Variants in TNIP1 observed in about 807,000 individuals in gnomAD.
The protein encoded by TNIP1 is TNFAIP3-interacting protein 1.
TNIP1 carries 22 observed loss-of-function variants against 86.6 expected under a neutral mutation model. The ratio of observed to expected loss-of-function variants is 0.25; its 90% CI spans 0.18 to 0.36. The LOEUF (loss-of-function observed/expected upper bound fraction) is 0.36. Ranked by LOEUF, TNIP1 falls within the 10% of genes least tolerant of loss-of-function variation. The pLI, the probability that TNIP1 is intolerant of heterozygous loss-of-function variation, is 1.00. For synonymous variants in TNIP1, 294 were observed against 313.0 expected (o/e 0.94, Z 0.64); for missense variants, 709 against 820.6 (o/e 0.86, Z 1.66).
intron 6 of TNIP1, among the ~76,000 whole-genome samples, chr5:151,055,940 G>A (rs137860788): frequency 6.6e-6 from 1 of 152,290 alleles, no homozygotes; most frequent in African/African-American, 2.4e-5. Context: ...AAGCCCACAA[G>A]GCTAAGACCC....
intron 9 of TNIP1, among the ~76,000 whole-genome samples, chr5:151,044,569 A>G (rs548075932): frequency 6.6e-6 from 1 of 152,290 alleles, no homozygotes; most frequent in South Asian, 2.1e-4. Flanking sequence ...CGCTTATAAC[A>G]ATACAAAAAG....
At chr5:151,032,431 A>G in intron 16 of TNIP1, 48 bp from the exon 17 acceptor site, 1 of 1,556,640 alleles carries the variant, frequency 6.4e-7, no homozygotes, top group Non-Finnish European at 8.8e-7. Flanking sequence ...CCCAAAAATT[A>G]CAATAGCACC....
At chr5:151,073,705 GC>G (rs1039790480) in intron 1 of TNIP1, among the ~76,000 whole-genome samples, 8 of 151,878 alleles carry the variant, frequency 5.3e-5, no homozygotes, top group African/African-American at 1.9e-4. Flanking sequence ...ACCAGCCTGG[GC>G]AAAAAGCAAG....
intron 17 of TNIP1, 125 bp downstream of exon 17, chr5:151,032,162 G>T: frequency 1.3e-6 from 1 of 760,854 alleles, no homozygotes; most frequent in Non-Finnish European, 2.1e-6. Context: ...ACACTGTTTT[G>T]GAAAGCTGGG....
At chr5:151,069,054 A>T (rs1762555075) in intron 1 of TNIP1, among the ~76,000 whole-genome samples, 1 of 152,236 alleles carries the variant, frequency 6.6e-6, no homozygotes. Flanking sequence ...AAAGGGGCCC[A>T]GACAGACGGC....
chr5:151,034,535 GCA>G, intron 15 of TNIP1: 1 of 288,776 alleles, frequency 3.5e-6, no homozygotes, highest in Non-Finnish European at 6.5e-6. Flanking sequence ...AGAAGGCTGG[GCA>G]CATGGGCACG....
chr5:151,059,211 C>A (rs889808082), intron 5 of TNIP1, among the ~76,000 whole-genome samples: 3 of 152,222 alleles, frequency 2.0e-5, no homozygotes, highest in Non-Finnish European at 4.4e-5. Context: ...TTAAAGTTAT[C>A]GGTCCAAAGT....
In TNIP1 at chr5:151,060,367, G is replaced by C. The variant is rs2113672215; in HGVS notation, c.386C>G (p.Thr129Ser). 1 of 1,614,180 alleles carries C rather than the reference G, an allele frequency of 6.2e-7. No individual in the cohort carries two copies. The highest frequency in any genetic ancestry group is 1.1e-5 in the South Asian group (1 of 91,084). The change falls in exon 5 of 18, where the codon ACT becomes AGT. Residue 129 changes from threonine to serine, a missense_variant. By Grantham distance (58) the Thr-to-Ser change is moderately conservative. Transcript: ENST00000521591. ...SGTSSEFEVV[T>S]PEEQNSPESS... The stretch of plus-strand genomic sequence containing the variant: ...CTCTGGTGAATTCTGCTCCTCAGGA[G>C]TGACCACTTCAAATTCAGAGGAGGT...
chr5:151,049,366 T>C (rs1369802858), intron 8 of TNIP1, among the ~76,000 whole-genome samples: 1 of 152,064 alleles, frequency 6.6e-6, no homozygotes, highest in Non-Finnish European at 1.5e-5. Context: ...CCCTCCCCTC[T>C]CCACTTTAGA....
chr5:151,032,333 C>T lies in TNIP1; in HGVS notation c.1830G>A (p.Gln610=), dbSNP rs1430038211. The T allele has an allele frequency of 1.9e-6, 3 of 1,613,982 alleles. No individual in the cohort carries two copies. The African/African-American group carries it at 4.0e-5, about 22-fold the overall frequency. The change falls in exon 17 of 18, where the codon CAG becomes CAA. Residue 610 remains glutamine, a synonymous_variant. Coordinates refer to ENST00000521591, the MANE Select transcript of TNIP1 (RefSeq NM_006058.5). ...TGGGAGGGTCCATCACTTGGGAGCT[C>T]TGATTTGGATTTCGAACCCCTCCAC... ...LPCGGVRNPN[Q]SSQVMDPPTA...
In TNIP1 at chr5:151,046,406, A is replaced by C. The variant is rs1581781578; in HGVS notation, c.847-456T>G. The C allele has an allele frequency of 2.5e-5, 4 of 158,100 alleles. No individual in the cohort carries two copies. The South Asian group carries it at 7.1e-4, about 28-fold the overall frequency. 9.8% of individuals were successfully genotyped at this position (158,100 alleles called of 1,614,324 possible). On this transcript the variant is annotated intron_variant, in intron 8 of 17. Coordinates refer to ENST00000521591, the MANE Select transcript of TNIP1 (RefSeq NM_006058.5). ...TTTACAAAAGTTGAAGTTATATAAA[A>C]TGTTTATTTAAAAACATTTTTAGAA...
At chr5:151,071,332 G>A (rs1337300471) in intron 1 of TNIP1, among the ~76,000 whole-genome samples, 1 of 152,052 alleles carries the variant, frequency 6.6e-6, no homozygotes, top group Non-Finnish European at 1.5e-5. Flanking sequence ...AGTAACAGCT[G>A]GGGCGCCAGA....
intron 4 of TNIP1, 92 bp downstream of exon 4, chr5:151,062,035 C>A: frequency 8.2e-7 from 1 of 1,216,696 alleles, no homozygotes; most frequent in Non-Finnish European, 1.2e-6. Context: ...AGTTTCTTGA[C>A]CTCAACCCTC....
At chr5:151,057,079 C>T in intron 5 of TNIP1, 122 bp from the exon 6 acceptor site, 2 of 1,077,976 alleles carry the variant, frequency 1.9e-6, no homozygotes, top group Non-Finnish European at 1.2e-6. Context: ...CCCAGCTCAG[C>T]CCCGGGAAAT....
chr5:151,048,167 G>A (rs1759423293), intron 8 of TNIP1, among the ~76,000 whole-genome samples: 1 of 152,182 alleles, frequency 6.6e-6, no homozygotes, highest in Non-Finnish European at 1.5e-5. Context: ...TAGCAAAAAG[G>A]TCAACAAGTT....
Position 151,073,300 on chromosome 5 carries a change from G to C in TNIP1, c.-37+7580C>G, listed in dbSNP as rs191244131. Among the ~76,000 whole-genome samples, 21 of 151,670 alleles carry C rather than the reference G, an allele frequency of 1.4e-4. No homozygotes were observed. In the East Asian group the frequency reaches 3.9e-3, roughly 28 times the overall value. On this transcript the variant is annotated intron_variant, in intron 1 of 17. Coordinates refer to ENST00000521591, the MANE Select transcript of TNIP1 (RefSeq NM_006058.5). The stretch of plus-strand genomic sequence containing the variant: ...GGGGCAGAAGTAACTGATTGATTCA[G>C]TAATACCCTATCTAGGAATCTAGAG...
At chr5:151,061,476 G>C (rs1761558906) in intron 4 of TNIP1, among the ~76,000 whole-genome samples, 1 of 144,254 alleles carries the variant, frequency 6.9e-6, no homozygotes. Flanking sequence ...AGCCAAATCT[G>C]TAGATTTTTT....
intron 1 of TNIP1, among the ~76,000 whole-genome samples, chr5:151,071,917 G>A (rs1347183622): frequency 2.0e-5 from 3 of 152,248 alleles, no homozygotes; most frequent in East Asian, 3.8e-4. Flanking sequence ...CTAAGCTGGA[G>A]AGAGGGTGAC....
intron 5 of TNIP1, among the ~76,000 whole-genome samples, chr5:151,059,552 G>A (rs150224661): frequency 3.3e-5 from 5 of 152,116 alleles, no homozygotes; most frequent in Admixed American, 2.6e-4. Flanking sequence ...CCTATTGCTC[G>A]CATAACAACA....
Sources: allele counts gnomAD v4.1 joint callset (sites outside exome capture counted in the v4.1 genomes callset), GRCh38; gene constraint gnomAD v4.1.1; transcripts MANE v1.5; gene names NCBI Gene and HGNC (gene_info 2026-07-23, HGNC 2026-07-21).